The following HIKESHI variants were observed in gnomAD, a reference collection of about 807,000 sequenced individuals.
HIKESHI encodes the protein protein Hikeshi.
A neutral mutation model predicts 25.7 loss-of-function variants in HIKESHI; 13 were observed. The ratio of observed to expected loss-of-function variants is 0.51; its 90% CI spans 0.33 to 0.80. The LOEUF (loss-of-function observed/expected upper bound fraction) is 0.80. Among genes scored for constraint, HIKESHI ranks in the 30% least tolerant of loss-of-function variants. The pLI, the probability that HIKESHI is intolerant of heterozygous loss-of-function variation, is 0.02. For missense variants in HIKESHI, 174 were observed against 229.5 expected (o/e 0.76, Z 1.56); for synonymous variants, 76 against 78.7 (o/e 0.97, Z 0.18).
At chr11:86,308,114 TAC>T (rs1015986863) in intron 2 of HIKESHI, among the ~76,000 whole-genome samples, 2 of 126,950 alleles carry the variant, frequency 1.6e-5, no homozygotes, top group African/African-American at 6.3e-5. Context: ...ATACTATATA[TAC>T]AGTATACTAT....
In HIKESHI at chr11:86,316,771, C is replaced by CTTTTTTTTTTTTT. The variant is rs71040229; in HGVS notation, c.268+10317_268+10329dup. Among the ~76,000 whole-genome samples the CTTTTTTTTTTTTT allele has an allele frequency of 7.0e-4, 48 of 68,786 alleles. 6 individuals carry two copies. The highest frequency in any genetic ancestry group is 1.1e-3 in the Non-Finnish European group (43 of 37,482). The allele number at this position is 68,786 out of a possible 152,430, so 45.1% of individuals were successfully genotyped here. A position where few individuals can be genotyped will look rare whatever the true frequency, so the allele number is the denominator to read the frequency against. ...TTATGAGTAATGAATCTGAAACATT[C>CTTTTTTTTTTTTT]TTTTTTTTTTTTTTTTTTTTTTTTT... On this transcript the variant is annotated intron_variant, in intron 2 of 4. Transcript: ENST00000278483.
chr11:86,329,583 T>C lies in HIKESHI; in HGVS notation c.269-7796T>C, dbSNP rs1040914640. Among the ~76,000 whole-genome samples the C allele has an allele frequency of 2.8e-3, 431 of 151,966 alleles. 1 individual carries two copies. Among genetic ancestry groups the C allele is most frequent in the African/African-American group, 0.01 (415 of 41,498 alleles). On this transcript the variant is annotated intron_variant, in intron 2 of 4. Transcript: ENST00000278483. ...TTTATGCCTGTGATTTCTTTTTTTTTTTTTTTCTTTTTGCCTTATGGTATT... is the reference window on the plus strand; with the variant it reads ...TTTATGCCTGTGATTTCTTTTTTTTCTTTTTTCTTTTTGCCTTATGGTATT...
intron 2 of HIKESHI, 46 bp downstream of exon 2, chr11:86,306,528 T>G (rs1481444131): frequency 8.5e-7 from 1 of 1,176,550 alleles, no homozygotes; most frequent in Non-Finnish European, 1.2e-6. Context: ...TCAAACTTTT[T>G]TCTTAAATAG....
chr11:86,345,397 G>A (rs892024767), intron 4 of HIKESHI, 187 bp from the exon 5 acceptor site: 6 of 473,196 alleles, frequency 1.3e-5, no homozygotes, highest in Non-Finnish European at 1.8e-5. Context: ...AAACTGCCCC[G>A]ATATTTAAAT....
chr11:86,326,036 G>A lies in HIKESHI; in HGVS notation c.269-11343G>A, dbSNP rs542782486. ...CTTCAGGCCAGGCACCGTGGCTCACGCCTGTAATCCCAGCACTTTGGGAGG... is the reference window on the plus strand; with the variant it reads ...CTTCAGGCCAGGCACCGTGGCTCACACCTGTAATCCCAGCACTTTGGGAGG... On this transcript the variant is annotated intron_variant, in intron 2 of 4. Coordinates refer to ENST00000278483, the MANE Select transcript of HIKESHI (RefSeq NM_016401.4). 1.2e-3 allele frequency among the ~76,000 whole-genome samples: 188 copies of A among 151,768 alleles called. 1 individual carries two copies. Among genetic ancestry groups the A allele is most frequent in the Non-Finnish European group, 2.0e-3 (136 of 67,898 alleles).
intron 2 of HIKESHI, among the ~76,000 whole-genome samples, chr11:86,311,824 A>G (rs1418382936): frequency 1.3e-5 from 2 of 152,172 alleles, no homozygotes; most frequent in East Asian, 3.8e-4. Context: ...TGTACCCAGT[A>G]GTCGTTCAGG....
At chr11:86,344,299 G>T in intron 3 of HIKESHI, 1 of 237,310 alleles carries the variant, frequency 4.2e-6, no homozygotes, top group Admixed American at 5.5e-5. Flanking sequence ...GTCATTGTAT[G>T]TATGATTACT....
chr11:86,325,664 G>A (rs1947260625), intron 2 of HIKESHI, among the ~76,000 whole-genome samples: 2 of 151,458 alleles, frequency 1.3e-5, no homozygotes, highest in African/African-American at 2.4e-5. Flanking sequence ...ATGAGGTCAG[G>A]GGTTCGAGAC....
chr11:86,321,626 T>G (rs1490783603), intron 2 of HIKESHI, among the ~76,000 whole-genome samples: 5 of 152,048 alleles, frequency 3.3e-5, no homozygotes, highest in Non-Finnish European at 7.4e-5. Flanking sequence ...GCCTCCCACG[T>G]TCAAGTGATT....
intron 2 of HIKESHI, among the ~76,000 whole-genome samples, chr11:86,329,111 A>G (rs1455164654): frequency 6.6e-6 from 1 of 151,786 alleles, no homozygotes; most frequent in African/African-American, 2.4e-5. Context: ...AAACAGATAC[A>G]TTCTTATGTT....
chr11:86,318,556 C>A (rs546006886), intron 2 of HIKESHI, among the ~76,000 whole-genome samples: 2 of 151,834 alleles, frequency 1.3e-5, no homozygotes, highest in African/African-American at 2.4e-5. Flanking sequence ...TGGCCAAAGA[C>A]AATATGAGAG....
intron 1 of HIKESHI, among the ~76,000 whole-genome samples, chr11:86,305,006 T>A (rs944770130): frequency 5.3e-5 from 8 of 152,160 alleles, no homozygotes; most frequent in Non-Finnish European, 1.5e-5. Flanking sequence ...TGAGATTCTT[T>A]TATTTATTTT....
intron 2 of HIKESHI, among the ~76,000 whole-genome samples, chr11:86,332,019 C>T (rs1469238645): frequency 2.1e-5 from 3 of 143,206 alleles, no homozygotes; most frequent in Non-Finnish European, 3.0e-5. Flanking sequence ...CTTGCTCTGT[C>T]GCTCAGGCTG....
intron 2 of HIKESHI, among the ~76,000 whole-genome samples, chr11:86,321,676 C>A (rs1006516199): frequency 1.3e-5 from 2 of 151,932 alleles, no homozygotes; most frequent in African/African-American, 4.8e-5. Flanking sequence ...ATTATAGGCA[C>A]CCGCCATTAT....
intron 2 of HIKESHI, among the ~76,000 whole-genome samples, chr11:86,309,819 A>T (rs1946784292): frequency 6.6e-6 from 1 of 152,166 alleles, no homozygotes; most frequent in Non-Finnish European, 1.5e-5. Context: ...ACCATTTATT[A>T]AATAGGGAAT....
chr11:86,345,058 A>G (rs1318134996), intron 4 of HIKESHI: 1 of 956,046 alleles, frequency 1.0e-6, no homozygotes, highest in Middle Eastern at 4.2e-4. Flanking sequence ...ATGAATGGCT[A>G]ATGAATCTAT....
At chr11:86,340,355 T>A (rs1350682245) in intron 3 of HIKESHI, among the ~76,000 whole-genome samples, 1 of 152,242 alleles carries the variant, frequency 6.6e-6, no homozygotes, top group African/African-American at 2.4e-5. Context: ...TGAACTAGTT[T>A]ATACGCCAAC....
chr11:86,318,474 A>T (rs1947057638), intron 2 of HIKESHI, among the ~76,000 whole-genome samples: 1 of 151,978 alleles, frequency 6.6e-6, no homozygotes, highest in African/African-American at 2.4e-5. Flanking sequence ...TATAATTTTC[A>T]GAGAATAGAG....
At chr11:86,303,511 T>G (rs1352999061) in intron 1 of HIKESHI, 1 of 412,006 alleles carries the variant, frequency 2.4e-6, no homozygotes, top group African/African-American at 2.2e-5. Context: ...AAACCTGGAA[T>G]GATTGTGTGA....
Sources: gnomAD v4.1 joint callset for allele counts (sites outside exome capture counted in the v4.1 genomes callset) on GRCh38, gnomAD v4.1.1 for gene constraint, MANE v1.5 for transcripts, NCBI Gene and HGNC (gene_info 2026-07-23, HGNC 2026-07-21) for gene names.